Variants in GABRB1 observed in about 807,000 individuals in gnomAD.
GABRB1 encodes gamma-aminobutyric acid receptor subunit beta-1.
GABRB1 carries 17 observed loss-of-function variants against 51.6 expected under a neutral mutation model. That is an observed-to-expected ratio of 0.33 (90% CI 0.23 to 0.49). The LOEUF is 0.49. GABRB1 is among the 20% of genes least tolerant of loss of function. The probability of loss-of-function intolerance (pLI) is 0.99; values close to 1 mark genes in which losing one functional copy is unlikely to be tolerated. For synonymous variants in GABRB1, 247 were observed against 218.9 expected, an observed-to-expected ratio of 1.13 and a Z score of -1.14; for missense variants, 410 against 600.6, an observed-to-expected ratio of 0.68 and a Z score of 3.32.
At chr4:47,330,334 T>G (rs750503598) in intron 5 of GABRB1, among the ~76,000 whole-genome samples, 1 of 152,192 alleles carries the variant, frequency 6.6e-6, no homozygotes, top group Non-Finnish European at 1.5e-5. Flanking sequence ...CCAGCCAAGT[T>G]GACACATAAA....
intron 8 of GABRB1, 35 bp downstream of exon 8, chr4:47,406,961 T>G (rs755669497): frequency 6.3e-7 from 1 of 1,592,962 alleles, no homozygotes; most frequent in East Asian, 2.2e-5. Context: ...ATATTCTTGT[T>G]AAATTTATCA....
At chr4:47,026,546 A>G (rs1725101958) in intron 1 of GABRB1, among the ~76,000 whole-genome samples, 1 of 152,040 alleles carries the variant, frequency 6.6e-6, no homozygotes, top group South Asian at 2.1e-4. Flanking sequence ...CAAACAATAT[A>G]TTACCGGTAA....
chr4:47,095,812 T>G (rs575224670), intron 3 of GABRB1, among the ~76,000 whole-genome samples: 13 of 152,346 alleles, frequency 8.5e-5, no homozygotes, highest in African/African-American at 3.1e-4. Flanking sequence ...GCATAATCCA[T>G]AAGCCATCGG....
At chr4:47,350,095 A>G (rs1454119996) in intron 5 of GABRB1, among the ~76,000 whole-genome samples, 1 of 150,660 alleles carries the variant, frequency 6.6e-6, no homozygotes, top group Non-Finnish European at 1.5e-5. Context: ...TCTCAGATAA[A>G]TTAATATTTG....
intron 3 of GABRB1, among the ~76,000 whole-genome samples, chr4:47,137,652 A>G (rs1716729047): frequency 6.6e-6 from 1 of 152,112 alleles, no homozygotes; most frequent in African/African-American, 2.4e-5. Context: ...TTATATTCCA[A>G]TTCCAAAAAC....
chr4:47,117,889 C>A (rs1715577161), intron 3 of GABRB1, among the ~76,000 whole-genome samples: 1 of 152,130 alleles, frequency 6.6e-6, no homozygotes, highest in Admixed American at 6.5e-5. Context: ...ACACAAGGGA[C>A]AATCAGTGAA....
At chr4:47,053,539 T>A (rs1012579862) in intron 3 of GABRB1, among the ~76,000 whole-genome samples, 1 of 152,154 alleles carries the variant, frequency 6.6e-6, no homozygotes, top group African/African-American at 2.4e-5. Flanking sequence ...TGCCATCACA[T>A]TGAGGGTTAG....
At chr4:47,014,849 A>G in intron 1 of GABRB1, among the ~76,000 whole-genome samples, 1 of 152,308 alleles carries the variant, frequency 6.6e-6, no homozygotes, top group East Asian at 1.9e-4. Context: ...AGGCTATAGA[A>G]AGACATAAGA....
At chr4:47,073,406 C>T (rs1727423055) in intron 3 of GABRB1, among the ~76,000 whole-genome samples, 1 of 152,136 alleles carries the variant, frequency 6.6e-6, no homozygotes, top group South Asian at 2.1e-4. Context: ...CTTTAATAAG[C>T]ATCCTTAGCC....
rs1179189862 is a variant in GABRB1 at position 47,299,595 on chromosome 4, T to G, written c.462-20532T>G. Among the ~76,000 whole-genome samples the G allele has an allele frequency of 4.6e-5, 7 of 152,144 alleles. No individual in the cohort carries two copies. The East Asian group carries it at 9.7e-4, about 21-fold the overall frequency. ...CATTCAAAAGTCAGGAAACAACAGG[T>G]GCTGGAGAGGATGTGGAGAAATAGG... On this transcript the variant is annotated intron_variant, in intron 4 of 8. Coordinates refer to ENST00000295454, the MANE Select transcript of GABRB1 (RefSeq NM_000812.4).
intron 4 of GABRB1, among the ~76,000 whole-genome samples, chr4:47,191,664 A>C (rs1045482170): frequency 6.6e-6 from 1 of 152,144 alleles, no homozygotes; most frequent in Non-Finnish European, 1.5e-5. Flanking sequence ...GAAAGAAATT[A>C]ATTTAGTCTA....
intron 3 of GABRB1, among the ~76,000 whole-genome samples, chr4:47,097,744 G>A (rs1448760861): frequency 6.6e-6 from 1 of 152,140 alleles, no homozygotes; most frequent in Non-Finnish European, 1.5e-5. Context: ...AACCTTGGAT[G>A]TTTATTCTTT....
chr4:47,172,749 A>G (rs1268758914), intron 4 of GABRB1, among the ~76,000 whole-genome samples: 2 of 142,028 alleles, frequency 1.4e-5, no homozygotes, highest in Non-Finnish European at 3.0e-5. Context: ...TCAAACGAGT[A>G]TCCTACCTCA....
intron 5 of GABRB1, among the ~76,000 whole-genome samples, chr4:47,359,364 A>G (rs1427033107): frequency 6.6e-6 from 1 of 152,164 alleles, no homozygotes; most frequent in Non-Finnish European, 1.5e-5. Context: ...TCATTTATTT[A>G]ATAGCAGTGA....
intron 1 of GABRB1, among the ~76,000 whole-genome samples, chr4:47,004,788 T>G (rs1397474173): frequency 6.6e-6 from 1 of 152,238 alleles, no homozygotes; most frequent in Non-Finnish European, 1.5e-5. Flanking sequence ...ATTCTGTCAA[T>G]GTGTATTTGA....
At chr4:47,249,819 C>T (rs556822394) in intron 4 of GABRB1, among the ~76,000 whole-genome samples, 2 of 152,116 alleles carry the variant, frequency 1.3e-5, no homozygotes, top group East Asian at 3.9e-4. Context: ...TATGTGATCC[C>T]TTATGTGTTA....
intron 5 of GABRB1, among the ~76,000 whole-genome samples, chr4:47,358,731 T>C (rs1726684238): frequency 1.3e-5 from 2 of 152,282 alleles, no homozygotes; most frequent in South Asian, 4.1e-4. Context: ...CTCCAACATA[T>C]GAATTTAGCG....
At chr4:47,061,697 G>T (rs1211603011) in intron 3 of GABRB1, among the ~76,000 whole-genome samples, 1 of 152,154 alleles carries the variant, frequency 6.6e-6, no homozygotes, top group East Asian at 1.9e-4. Context: ...CTAAGACAGT[G>T]CAAGCAAACG....
chr4:47,077,871 ATT>A (rs1491315873), intron 3 of GABRB1, among the ~76,000 whole-genome samples: 130 of 140,042 alleles, frequency 9.3e-4, no homozygotes, highest in Middle Eastern at 7.3e-3. Context: ...TTTTATATAT[ATT>A]ATATGTATTT....
Sources: allele counts gnomAD v4.1 joint callset (sites outside exome capture counted in the v4.1 genomes callset), GRCh38; gene constraint gnomAD v4.1.1; transcripts MANE v1.5; gene names NCBI Gene and HGNC (gene_info 2026-07-23, HGNC 2026-07-21).